The following GLG1 variants were observed in gnomAD, a reference collection of about 807,000 sequenced individuals.
GLG1 encodes Golgi apparatus protein 1.
Under a neutral mutation model 160.5 loss-of-function variants are expected in GLG1, and 38 were observed. The ratio of observed to expected loss-of-function variants is 0.24; its 90% CI spans 0.18 to 0.31. The LOEUF is 0.31. GLG1 is among the 10% of genes least tolerant of loss of function. GLG1 has a pLI of 1.00. For synonymous variants in GLG1, 644 were observed against 543.4 expected (o/e 1.19, Z -2.57); for missense variants, 1,373 against 1,505.2 (o/e 0.91, Z 1.45).
Position 74,594,737 on chromosome 16 carries a change from CTTTTG to C in GLG1, c.438+11915_438+11919del, listed in dbSNP as rs1037720671. 1.3e-3 allele frequency among the ~76,000 whole-genome samples: 189 copies of C among 148,502 alleles called. 1 individual carries two copies. The highest frequency in any genetic ancestry group is 4.5e-3 in the African/African-American group (184 of 41,184). On this transcript the variant is annotated intron_variant, in intron 1 of 25. Transcript: ENST00000422840. ...TCTACTCATGAACAAGATTAGGAGGCTTTTGTTTTGTTTTGTTTTTGAGACAGACT... is the reference window on the plus strand; with the variant it reads ...TCTACTCATGAACAAGATTAGGAGGCTTTTGTTTTGTTTTTGAGACAGACT...
intron 2 of GLG1, among the ~76,000 whole-genome samples, chr16:74,512,412 C>G (rs545714265): frequency 6.6e-6 from 1 of 151,752 alleles, no homozygotes; most frequent in Non-Finnish European, 1.5e-5. Flanking sequence ...TACAGGTGTG[C>G]GCCACCACAT....
intron 8 of GLG1, among the ~76,000 whole-genome samples, chr16:74,488,636 T>G (rs1243884235): frequency 6.6e-6 from 1 of 152,174 alleles, no homozygotes; most frequent in African/African-American, 2.4e-5. Flanking sequence ...TTTTTATTTT[T>G]TGAGGTGGAG....
chr16:74,580,071 A>C (rs781631970), intron 1 of GLG1, among the ~76,000 whole-genome samples: 3 of 152,234 alleles, frequency 2.0e-5, no homozygotes, highest in Non-Finnish European at 4.4e-5. Context: ...TCAAAAAAAC[A>C]AACAAAAAAC....
chr16:74,508,885 T>G lies in GLG1; in HGVS notation c.512A>C (p.Lys171Thr). Reference sequence around the variant, plus strand: ...AACCTCTCTGGCCACAGATTCAAATTTGGGATCTGTAGTTAGGTTCAGCTT... The same window carrying G: ...AACCTCTCTGGCCACAGATTCAAATGTGGGATCTGTAGTTAGGTTCAGCTT... ...NYKLNLTTDP[K>T]FESVAREVCK... is the part of the protein sequence containing the mutation. Residue 171 changes from lysine to threonine, a missense_variant, in exon 3 of 26, where the codon AAA becomes ACA. By Grantham distance (78) the Lys-to-Thr change is moderately conservative. Coordinates refer to ENST00000422840, the MANE Select transcript of GLG1 (RefSeq NM_001145667.2). The G allele has an allele frequency of 2.1e-5, 33 of 1,536,036 alleles. No homozygotes were observed. Among genetic ancestry groups the G allele is most frequent in the Non-Finnish European group, 2.9e-5 (32 of 1,110,272 alleles).
chr16:74,601,010 T>C (rs1210916654), intron 1 of GLG1, among the ~76,000 whole-genome samples: 1 of 152,116 alleles, frequency 6.6e-6, no homozygotes, highest in East Asian at 1.9e-4. Context: ...AGATCAATAA[T>C]GACTTGATTA....
chr16:74,549,873 G>A (rs2018150514), intron 1 of GLG1, among the ~76,000 whole-genome samples: 1 of 152,046 alleles, frequency 6.6e-6, no homozygotes. Flanking sequence ...CACCACTGTA[G>A]GAGGCTAAGG....
At chr16:74,599,840 G>T (rs1020760221) in intron 1 of GLG1, among the ~76,000 whole-genome samples, 32 of 151,604 alleles carry the variant, frequency 2.1e-4, no homozygotes, top group South Asian at 8.4e-4. Context: ...CTCCAGCCTG[G>T]GTGACAGAGC....
At position 74,542,370 on chromosome 16, in the gene GLG1, G is replaced by A. The variant is rs200117845; in HGVS notation, c.439-10217C>T. ...AGTAGCTACTATAGCCAAATGCAAA[G>A]AAGAAAACTAGACTAGGCCGGGCGC... On this transcript the variant is annotated intron_variant, in intron 1 of 25. Coordinates refer to ENST00000422840, the MANE Select transcript of GLG1 (RefSeq NM_001145667.2). 4.6e-5 allele frequency among the ~76,000 whole-genome samples: 7 copies of A among 151,982 alleles called. No individual in the cohort carries two copies. The East Asian group carries it at 1.4e-3, about 29-fold the overall frequency.
intron 1 of GLG1, among the ~76,000 whole-genome samples, chr16:74,587,956 G>A (rs868167664): frequency 7.9e-5 from 12 of 152,104 alleles, no homozygotes; most frequent in Admixed American, 2.6e-4. Flanking sequence ...CAAATCAAAC[G>A]TCTATAGGTG....
In GLG1 at chr16:74,607,078, C is replaced by T. The variant is rs1196932270; in HGVS notation, c.17G>A (p.Arg6His). Residue 6 changes from arginine to histidine, a missense_variant, in exon 1 of 26, where the codon CGT (arginine) becomes CAT (histidine). Transcript: ENST00000422840. ...CGACAAGCGGAACATCCTCCGTACA[C>T]GTCCACACGCCGCCATCTTGAGTCC... MAACGRVRRMFRLSAA... is the reference protein window; with the variant it reads MAACGHVRRMFRLSAA... 4.5e-6 allele frequency: 7 copies of T among 1,555,354 alleles called. No individual in the cohort carries two copies. Among genetic ancestry groups the T allele is most frequent in the South Asian group, 3.5e-5 (3 of 86,346 alleles).
At chr16:74,523,608 TTAA>T (rs1306851062) in intron 2 of GLG1, among the ~76,000 whole-genome samples, 3 of 152,198 alleles carry the variant, frequency 2.0e-5, no homozygotes, top group Non-Finnish European at 2.9e-5. Flanking sequence ...CAAATTTCTC[TTAA>T]TAATATTTTA....
chr16:74,485,735 T>A lies in GLG1; in HGVS notation c.1571+61A>T, dbSNP rs980571106. ...ACCACCCAAAAGTCATTTGAAGGAA[T>A]GTTCCCTGTGCTGCCAAATGAAATA... On this transcript the variant is annotated intron_variant, in intron 9 of 25. Coordinates refer to ENST00000422840, the MANE Select transcript of GLG1 (RefSeq NM_001145667.2). 25 of 1,489,276 alleles carry A rather than the reference T, an allele frequency of 1.7e-5. No homozygotes were observed. The Middle Eastern group carries it at 1.1e-3, about 64-fold the overall frequency. 92.3% of individuals were successfully genotyped at this position (1,489,276 alleles called of 1,614,324 possible).
chr16:74,464,354 G>A (rs1350680620), intron 19 of GLG1, among the ~76,000 whole-genome samples: 1 of 152,156 alleles, frequency 6.6e-6, no homozygotes, highest in African/African-American at 2.4e-5. Context: ...GACCCACTTG[G>A]TTCATCTTAA....
At chr16:74,514,462 A>C (rs1371154282) in intron 2 of GLG1, among the ~76,000 whole-genome samples, 13 of 152,208 alleles carry the variant, frequency 8.5e-5, no homozygotes, top group Admixed American at 8.5e-4. Flanking sequence ...CCCTACAAGC[A>C]AGACGAGAGT....
At chr16:74,574,435 C>T (rs535311513) in intron 1 of GLG1, among the ~76,000 whole-genome samples, 73 of 152,304 alleles carry the variant, frequency 4.8e-4, no homozygotes, top group Non-Finnish European at 8.5e-4. Flanking sequence ...GTTAACTGTT[C>T]ATTTTCCTAA....
At chr16:74,528,761 G>A (rs541529248) in intron 2 of GLG1, among the ~76,000 whole-genome samples, 3 of 124,688 alleles carry the variant, frequency 2.4e-5, no homozygotes, top group Non-Finnish European at 3.2e-5. Flanking sequence ...TCAGTGAGCC[G>A]AGATCACACC....
chr16:74,454,386 T>G (rs149969463), intron 25 of GLG1, among the ~76,000 whole-genome samples: 1 of 150,850 alleles, frequency 6.6e-6, no homozygotes, highest in African/African-American at 2.4e-5. Context: ...AAATTTTTTT[T>G]GGCCAGGCAT....
At chr16:74,490,369 T>C (rs944839889) in intron 8 of GLG1, among the ~76,000 whole-genome samples, 4 of 152,160 alleles carry the variant, frequency 2.6e-5, no homozygotes, top group African/African-American at 9.7e-5. Context: ...TGGCACACGT[T>C]TACCCATGTA....
intron 1 of GLG1, among the ~76,000 whole-genome samples, chr16:74,533,475 C>A (rs2017602625): frequency 6.6e-6 from 1 of 152,152 alleles, no homozygotes; most frequent in Admixed American, 6.5e-5. Flanking sequence ...CAATAAAACA[C>A]ACCATAAGGC....
Sources: gnomAD v4.1 joint callset for allele counts (sites outside exome capture counted in the v4.1 genomes callset) on GRCh38, gnomAD v4.1.1 for gene constraint, MANE v1.5 for transcripts, NCBI Gene and HGNC (gene_info 2026-07-23, HGNC 2026-07-21) for gene names.